The following DHX35 variants were observed in gnomAD, a reference collection of about 807,000 sequenced individuals.
The protein encoded by DHX35 is DEAH-box helicase 35, also known as probable ATP-dependent RNA helicase DHX35.
In DHX35, 84 loss-of-function variants were observed where a neutral mutation model predicts 99.6. The ratio of observed to expected loss-of-function variants is 0.84; its 90% CI spans 0.71 to 1.01. The LOEUF (loss-of-function observed/expected upper bound fraction) is 1.01, where lower values mean the gene tolerates loss of function less well. DHX35 is among the 50% of genes least tolerant of loss of function. DHX35 has a pLI of 0.00. For missense variants in DHX35, 852 were observed against 888.5 expected, an observed-to-expected ratio of 0.96 and a Z score of 0.52; for synonymous variants, 331 against 316.2, an observed-to-expected ratio of 1.05 and a Z score of -0.50.
At position 38,983,361 on chromosome 20, in the gene DHX35, G is replaced by A. The variant is rs574619469; in HGVS notation, c.268-338G>A. 2.0e-5 allele frequency among the ~76,000 whole-genome samples: 3 copies of A among 152,232 alleles called. No homozygotes were observed. The South Asian group carries it at 6.2e-4, about 32-fold the overall frequency. Reference sequence around the variant, plus strand: ...CTCTATATGTGCTTAAAAATTCTTTGTTCTACAGAGTTAGCACTGTTTTGA... The same window carrying A: ...CTCTATATGTGCTTAAAAATTCTTTATTCTACAGAGTTAGCACTGTTTTGA... On this transcript the variant is annotated intron_variant, in intron 3 of 21. Coordinates refer to ENST00000252011, the MANE Select transcript of DHX35 (RefSeq NM_021931.4).
At position 38,969,994 on chromosome 20, in the gene DHX35, C is replaced by T. The variant is rs977324929; in HGVS notation, c.174+780C>T. Among the ~76,000 whole-genome samples, 20 of 152,184 alleles carry T rather than the reference C, an allele frequency of 1.3e-4. 2 individuals are homozygous for T. The highest frequency in any genetic ancestry group is 4.6e-4 in the African/African-American group (19 of 41,432). ...TCCACAGGATGCCCTTGGAATGACCCGAGTAGGTGTGGCCACCAGCATCTG... is the reference window on the plus strand; with the variant it reads ...TCCACAGGATGCCCTTGGAATGACCTGAGTAGGTGTGGCCACCAGCATCTG... On this transcript the variant is annotated intron_variant, in intron 2 of 21. Transcript: ENST00000252011.
At chr20:38,999,755 C>A (rs1361784301) in intron 8 of DHX35, among the ~76,000 whole-genome samples, 1 of 152,206 alleles carries the variant, frequency 6.6e-6, no homozygotes, top group Non-Finnish European at 1.5e-5. Flanking sequence ...TGCCTCGAAT[C>A]TCTTATTTCC....
At chr20:38,969,691 T>A (rs571574979) in intron 2 of DHX35, among the ~76,000 whole-genome samples, 6 of 152,366 alleles carry the variant, frequency 3.9e-5, no homozygotes, top group African/African-American at 1.4e-4. Flanking sequence ...GTATGGTTAC[T>A]ACTTACCAAG....
At position 39,014,861 on chromosome 20, in the gene DHX35, A is replaced by T. The variant is rs1415030915; in HGVS notation, c.1348-19A>T. The T allele has an allele frequency of 6.2e-7, 1 of 1,614,052 alleles. No homozygotes were observed. The highest frequency in any genetic ancestry group is 1.3e-5 in the African/African-American group (1 of 74,990). On this transcript the variant is annotated intron_variant, in intron 13 of 21. Coordinates refer to ENST00000252011, the MANE Select transcript of DHX35 (RefSeq NM_021931.4). ...TGCCCAAATAAATTGATTCAGGAAG[A>T]TTTTTATGTTTTTTCCAGCCCCCTC...
chr20:39,035,472 G>C (rs1224176208), intron 21 of DHX35, among the ~76,000 whole-genome samples: 3 of 152,238 alleles, frequency 2.0e-5, no homozygotes, highest in African/African-American at 7.2e-5. Flanking sequence ...AGAAGAGAAA[G>C]TCTGAAACCT....
At chr20:38,969,254 G>T (rs748793621) in intron 2 of DHX35, 40 bp downstream of exon 2, 2 of 1,578,054 alleles carry the variant, frequency 1.3e-6, no homozygotes, top group Non-Finnish European at 1.7e-6. Context: ...GGCTTGAATC[G>T]TGTGTCTGCA....
intron 13 of DHX35, among the ~76,000 whole-genome samples, chr20:39,012,639 C>T (rs910577792): frequency 2.0e-5 from 3 of 151,962 alleles, no homozygotes; most frequent in East Asian, 1.9e-4. Context: ...AAGTGATTCT[C>T]GTATCTCAGC....
chr20:38,996,935 A>G (rs1431797683), intron 8 of DHX35, among the ~76,000 whole-genome samples: 1 of 152,064 alleles, frequency 6.6e-6, no homozygotes, highest in African/African-American at 2.4e-5. Flanking sequence ...TACACAGAAC[A>G]TCTGTATCTC....
chr20:39,014,844 T>C, intron 13 of DHX35, 36 bp from the exon 14 acceptor site: 1 of 1,613,792 alleles, frequency 6.2e-7, no homozygotes, highest in Non-Finnish European at 8.5e-7. Flanking sequence ...GTTGCCCAAA[T>C]AAATTGATTC....
chr20:39,026,406 C>T (rs990777028), intron 18 of DHX35, among the ~76,000 whole-genome samples: 8 of 152,128 alleles, frequency 5.3e-5, no homozygotes, highest in African/African-American at 9.7e-5. Context: ...TAAACAATGA[C>T]GGAGTCTTGG....
rs778393621 is a variant in DHX35 at position 39,003,787 on chromosome 20, G to A, written c.891G>A (p.Gln297=). ...VETVVSMLIE[Q]ARALARTGMK... is the part of the protein sequence containing the mutation. ...CTGTTGTGTCGATGCTCATCGAGCA[G>A]GCTCGAGCACTAGCTCGCACTGGGA... The change falls in exon 11 of 22, where the codon CAG becomes CAA. Residue 297 remains glutamine, a synonymous_variant. Transcript: ENST00000252011. The A allele has an allele frequency of 6.2e-7, 1 of 1,614,224 alleles. No homozygotes were observed. Among genetic ancestry groups the A allele is most frequent in the Non-Finnish European group, 8.5e-7 (1 of 1,180,026 alleles).
intron 10 of DHX35, 85 bp from the exon 11 acceptor site, chr20:39,003,664 C>G: frequency 6.7e-7 from 1 of 1,497,834 alleles, no homozygotes; most frequent in Non-Finnish European, 9.0e-7. Flanking sequence ...AGTCCAGATC[C>G]CAACTTTTAT....
rs143919706 is a variant in DHX35, at chr20:38,977,050, G to T, written c.267+4399G>T. Among the ~76,000 whole-genome samples the T allele has an allele frequency of 1.8e-4, 27 of 152,276 alleles. No homozygotes were observed. In the East Asian group the frequency reaches 5.0e-3, roughly 28 times the overall value. ...TTCCATGTCTCGGCTGTTGTGAATA[G>T]TGATGGGAGTGTACATGTCTCTTTG... On this transcript the variant is annotated intron_variant, in intron 3 of 21. Coordinates refer to ENST00000252011, the MANE Select transcript of DHX35 (RefSeq NM_021931.4).
chr20:38,973,248 A>G (rs190971494), intron 3 of DHX35, among the ~76,000 whole-genome samples: 1 of 152,342 alleles, frequency 6.6e-6, no homozygotes, highest in African/African-American at 2.4e-5. Flanking sequence ...CTTAACTTGA[A>G]GAGTGAAGAC....
chr20:39,014,485 C>T (rs556839412), intron 13 of DHX35, among the ~76,000 whole-genome samples: 103 of 152,322 alleles, frequency 6.8e-4, no homozygotes, highest in African/African-American at 2.4e-3. Flanking sequence ...AAAGATAAAT[C>T]ATCCCCGAGC....
intron 21 of DHX35, among the ~76,000 whole-genome samples, chr20:39,035,145 C>T (rs1241572832): frequency 1.3e-5 from 2 of 152,186 alleles, no homozygotes; most frequent in Non-Finnish European, 2.9e-5. Context: ...AATCTCAGCT[C>T]ACTGCAACCT....
intron 5 of DHX35, 75 bp downstream of exon 5, chr20:38,988,992 C>A: frequency 6.5e-7 from 1 of 1,547,456 alleles, no homozygotes; most frequent in Non-Finnish European, 8.8e-7. Flanking sequence ...AACATGTAGT[C>A]CTTGCTGCTG....
chr20:39,030,560 G>C, intron 19 of DHX35, 144 bp from the exon 20 acceptor site: 1 of 707,684 alleles, frequency 1.4e-6, no homozygotes, highest in Non-Finnish European at 2.3e-6. Flanking sequence ...ATCAAGAAAG[G>C]TTGCAAGAGA....
At chr20:39,015,031 AATGGGATTGGTTCTCCCC>A (rs2086761782) in intron 14 of DHX35, 97 bp downstream of exon 14, 2 of 1,400,100 alleles carry the variant, frequency 1.4e-6, no homozygotes, top group South Asian at 2.3e-5. Context: ...TATCTTCAGG[AATGGGATTGGTTCTCCCC>A]ATATATATAA....
Sources: allele counts gnomAD v4.1 joint callset (sites outside exome capture counted in the v4.1 genomes callset), GRCh38; gene constraint gnomAD v4.1.1; transcripts MANE v1.5; gene names NCBI Gene and HGNC (gene_info 2026-07-23, HGNC 2026-07-21).